ANKS1A: variants seen among roughly 807,000 people sequenced by gnomAD.
The protein encoded by ANKS1A is ankyrin repeat and SAM domain-containing protein 1A.
ANKS1A carries 55 observed loss-of-function variants against 120.3 expected under a neutral mutation model. That is an observed-to-expected ratio of 0.46 (90% CI 0.37 to 0.57). The LOEUF (loss-of-function observed/expected upper bound fraction) is 0.57, where lower values mean the gene tolerates loss of function less well. Among genes scored for constraint, ANKS1A ranks in the 20% least tolerant of loss-of-function variants. The pLI is 0.00. For missense variants in ANKS1A, 1,123 were observed against 1,480.3 expected (o/e 0.76, Z 3.96); for synonymous variants, 590 against 604.7 (o/e 0.98, Z 0.36).
rs1008279786 is a variant in ANKS1A, at chr6:35,068,703, G to A, written c.2184+8450G>A. On this transcript the variant is annotated intron_variant, in intron 13 of 23. Transcript: ENST00000360359. ...GAAGGGGAGAGGCTGGAGGGCTGCA[G>A]GGAGAAGCACCTTGTAAGTCCAGGA... Among the ~76,000 whole-genome samples, 3 of 152,224 alleles carry A rather than the reference G, an allele frequency of 2.0e-5. No homozygotes were observed. In the East Asian group the frequency reaches 5.8e-4, roughly 29 times the overall value.
intron 9 of ANKS1A, among the ~76,000 whole-genome samples, chr6:34,992,587 T>C (rs1772634986): frequency 6.6e-6 from 1 of 152,222 alleles, no homozygotes; most frequent in South Asian, 2.1e-4. Flanking sequence ...AGAACACAAA[T>C]TCCTGCCTGT....
chr6:34,904,799 C>A (rs887821159), intron 1 of ANKS1A, among the ~76,000 whole-genome samples: 1 of 152,200 alleles, frequency 6.6e-6, no homozygotes, highest in Admixed American at 6.5e-5. Context: ...ATTTTCTTTT[C>A]TTTTCTTTTT....
intron 1 of ANKS1A, among the ~76,000 whole-genome samples, chr6:34,920,534 G>T (rs975409469): frequency 3.3e-5 from 5 of 152,124 alleles, no homozygotes; most frequent in Non-Finnish European, 7.3e-5. Flanking sequence ...CTTCATTAAG[G>T]CAGTTTTTAA....
chr6:34,971,711 A>T (rs571672300), intron 3 of ANKS1A, among the ~76,000 whole-genome samples: 2 of 152,316 alleles, frequency 1.3e-5, no homozygotes, highest in South Asian at 4.1e-4. Context: ...TGCAGCTCTC[A>T]GTTAGCTGTT....
intron 1 of ANKS1A, among the ~76,000 whole-genome samples, chr6:34,920,839 C>T (rs1265337739): frequency 2.0e-5 from 3 of 152,212 alleles, no homozygotes; most frequent in Non-Finnish European, 2.9e-5. Flanking sequence ...CCTTGCTGAG[C>T]ACTTGTTGGC....
intron 1 of ANKS1A, among the ~76,000 whole-genome samples, chr6:34,953,872 G>A (rs945953591): frequency 4.6e-4 from 70 of 152,052 alleles, no homozygotes; most frequent in African/African-American, 1.7e-3. Flanking sequence ...TCAGAATTGT[G>A]GACTCTGGAG....
intron 1 of ANKS1A, among the ~76,000 whole-genome samples, chr6:34,962,948 G>A (rs1770717747): frequency 6.7e-6 from 1 of 149,420 alleles, no homozygotes; most frequent in South Asian, 2.1e-4. Flanking sequence ...TGCAACCTCT[G>A]CCTCCCAGGT....
intron 1 of ANKS1A, among the ~76,000 whole-genome samples, chr6:34,905,433 T>C (rs765124602): frequency 1.3e-5 from 2 of 152,212 alleles, no homozygotes; most frequent in Non-Finnish European, 2.9e-5. Context: ...CTACTGACAG[T>C]ATTGTAGGTG....
At chr6:35,088,476 G>T in intron 23 of ANKS1A, 130 bp from the exon 24 acceptor site, 2 of 1,184,786 alleles carry the variant, frequency 1.7e-6, no homozygotes, top group East Asian at 4.8e-5. Context: ...CTCAAAGCAG[G>T]CATGGAGGGT....
intron 1 of ANKS1A, among the ~76,000 whole-genome samples, chr6:34,915,088 AT>A (rs1768091855): frequency 8.5e-5 from 13 of 152,270 alleles, no homozygotes. Context: ...ATAGAAGACC[AT>A]TCTGTTTGAA....
chr6:35,029,349 CT>C (rs776256932), intron 11 of ANKS1A, among the ~76,000 whole-genome samples: 282 of 105,766 alleles, frequency 2.7e-3, no homozygotes, highest in African/African-American at 6.8e-3. Flanking sequence ...ATGACTTCTG[CT>C]TTTTTTTTTT....
chr6:35,097,315 C>T, the ANKS1A span, among the ~76,000 whole-genome samples: 1 of 152,034 alleles, frequency 6.6e-6, no homozygotes, highest in African/African-American at 2.4e-5. Context: ...TTGAGACCAA[C>T]CTGGCCAACA....
chr6:35,041,385 CG>C (rs1401904141), intron 11 of ANKS1A, among the ~76,000 whole-genome samples: 1 of 152,292 alleles, frequency 6.6e-6, no homozygotes, highest in African/African-American at 2.4e-5. Flanking sequence ...GTGGGCAGCT[CG>C]GGGGTCTCCC....
chr6:34,889,689 ACT>A lies in ANKS1A; in HGVS notation c.197+92_197+93del. On this transcript the variant is annotated intron_variant, in intron 1 of 23. Transcript: ENST00000360359. This position sits in a 1 kb window ranked among gnomAD's most constrained non-coding sequence, Gnocchi z 5.5. The stretch of plus-strand genomic sequence containing the variant: ...CCCCAGAGAGATCGGGGGTCCTGAG[ACT>A]CGGGCGGGGTGGGCTTGTGGCGTGC... 2 of 1,184,320 alleles carry A rather than the reference ACT, an allele frequency of 1.7e-6. No homozygotes were observed. The highest frequency in any genetic ancestry group is 2.1e-6 in the Non-Finnish European group (2 of 959,130). The allele number at this position is 1,184,320 out of a possible 1,614,324, so 73.4% of individuals were successfully genotyped here.
chr6:34,928,240 C>A (rs1768810913), intron 1 of ANKS1A, among the ~76,000 whole-genome samples: 1 of 152,174 alleles, frequency 6.6e-6, no homozygotes, highest in Non-Finnish European at 1.5e-5. Context: ...TATTTCCAAT[C>A]TCTGCGTAGC....
intron 1 of ANKS1A, among the ~76,000 whole-genome samples, chr6:34,890,908 G>T (rs1375615247): frequency 6.6e-6 from 1 of 152,182 alleles, no homozygotes; most frequent in Non-Finnish European, 1.5e-5. Flanking sequence ...GTTATTAATA[G>T]ATATTAAGCA....
At position 35,090,078 on chromosome 6, in the gene ANKS1A, G is replaced by C; in HGVS notation, c.*1469G>C. 2.3e-6 allele frequency: 3 copies of C among 1,282,546 alleles called. No individual in the cohort carries two copies. Among genetic ancestry groups the C allele is most frequent in the African/African-American group, 1.5e-5 (1 of 65,884 alleles). The allele number at this position is 1,282,546 out of a possible 1,614,324, so 79.4% of individuals were successfully genotyped here. A position where few individuals can be genotyped will look rare whatever the true frequency, so the allele number is the denominator to read the frequency against. ...GTGTCTCTGACTGGCTAGAGGCCAGGCCTTGTGGGTTTCTATCTGCTAAGC... is the reference window on the plus strand; with the variant it reads ...GTGTCTCTGACTGGCTAGAGGCCAGCCCTTGTGGGTTTCTATCTGCTAAGC... On this transcript the variant is annotated 3_prime_UTR_variant, in exon 24 of 24. Coordinates refer to ENST00000360359, the MANE Select transcript of ANKS1A (RefSeq NM_015245.3).
intron 1 of ANKS1A, among the ~76,000 whole-genome samples, chr6:34,912,032 C>T (rs570681559): frequency 2.6e-5 from 4 of 152,216 alleles, no homozygotes; most frequent in South Asian, 2.1e-4. Flanking sequence ...TTTATTTCAG[C>T]GTTAAATTGT....
At chr6:35,062,995 A>G (rs1268181664) in intron 13 of ANKS1A, among the ~76,000 whole-genome samples, 1 of 152,240 alleles carries the variant, frequency 6.6e-6, no homozygotes, top group African/African-American at 2.4e-5. Context: ...CCCAGGCTCC[A>G]GGTGCCATGC....
Sources: gnomAD v4.1 joint callset for allele counts (sites outside exome capture counted in the v4.1 genomes callset) on GRCh38, gnomAD v4.1.1 for gene constraint, Gnocchi (gnomAD v3.1) non-coding constraint, MANE v1.5 for transcripts, NCBI Gene and HGNC (gene_info 2026-07-23, HGNC 2026-07-21) for gene names.